ZNF208: variants seen among roughly 807,000 people sequenced by gnomAD.
The protein encoded by ZNF208 is zinc finger protein 95.
Under a neutral mutation model 12.1 loss-of-function variants are expected in ZNF208, and 10 were observed. The observed-to-expected ratio is 0.83, with a 90% CI of 0.51 to 1.40. The LOEUF is 1.40. Ranked by LOEUF, ZNF208 falls within the 40% of genes most tolerant of loss-of-function variation. The pLI is 0.00. For missense variants in ZNF208, 1,652 were observed against 1,485.0 expected, an observed-to-expected ratio of 1.11 and a Z score of -1.85; for synonymous variants, 497 against 488.4, an observed-to-expected ratio of 1.02 and a Z score of -0.23.
chr19:21,944,042 TA>T (rs1408938935), intron 4 of ZNF208, among the ~76,000 whole-genome samples: 1 of 152,220 alleles, frequency 6.6e-6, no homozygotes, highest in African/African-American at 2.4e-5. Context: ...TTTCTAAATT[TA>T]AAAAACTTGC....
chr19:21,990,668 A>G (rs1970717161), intron 1 of ZNF208, among the ~76,000 whole-genome samples: 1 of 152,200 alleles, frequency 6.6e-6, no homozygotes, highest in Non-Finnish European at 1.5e-5. Context: ...CATTGAATCT[A>G]TAAATTACCT....
chr19:21,959,747 A>C (rs1970034501), intron 4 of ZNF208, among the ~76,000 whole-genome samples: 1 of 152,228 alleles, frequency 6.6e-6, no homozygotes, highest in South Asian at 2.1e-4. Flanking sequence ...AAATAGAATA[A>C]AAATGATGCA....
In ZNF208 at chr19:21,973,462, G is replaced by T. The variant is rs1970352246; in HGVS notation, c.1572C>A (p.Pro524=). ...EHKRIHTGEK[P]YKCEECGKSF... ...TTTTGCCACATTCTTCACATTTGTAGGGTTTCTCTCCAGTATGAATTCTCT... is the reference window on the plus strand; with the variant it reads ...TTTTGCCACATTCTTCACATTTGTATGGTTTCTCTCCAGTATGAATTCTCT... The change falls in exon 4 of 4, where the codon CCC becomes CCA. Residue 524 remains proline, a synonymous_variant. Coordinates refer to ENST00000397126, the MANE Select transcript of ZNF208 (RefSeq NM_007153.3). 1 of 1,612,912 alleles carries T rather than the reference G, an allele frequency of 6.2e-7. No homozygotes were observed. The highest frequency in any genetic ancestry group is 1.3e-5 in the African/African-American group (1 of 74,882).
At chr19:21,958,540 A>G (rs1970014056) in intron 4 of ZNF208, among the ~76,000 whole-genome samples, 1 of 152,208 alleles carries the variant, frequency 6.6e-6, no homozygotes, top group African/African-American at 2.4e-5. Context: ...GCTACCAGTT[A>G]TCAGGGTGTG....
Position 21,973,463 on chromosome 19 carries a change from G to C in ZNF208, c.1571C>G (p.Pro524Arg). 6.2e-7 allele frequency: 1 copy of C among 1,612,898 alleles called. No individual in the cohort carries two copies. Among genetic ancestry groups the C allele is most frequent in the Non-Finnish European group, 8.5e-7 (1 of 1,179,800 alleles). ...EHKRIHTGEK[P>R]YKCEECGKSF... ...TTTGCCACATTCTTCACATTTGTAG[G>C]GTTTCTCTCCAGTATGAATTCTCTT... Residue 524 changes from proline (P) to arginine (R), a missense_variant, in exon 4 of 4, where the codon CCC becomes CGC. By Grantham distance (103) the Pro-to-Arg change is moderately radical. Coordinates refer to ENST00000397126, the MANE Select transcript of ZNF208 (RefSeq NM_007153.3).
rs187600160 is a variant in ZNF208 at position 21,950,179 on chromosome 19, G to A, written c.306-16942C>T. On this transcript the variant is annotated intron_variant, in intron 4 of 4. Coordinates refer to the ZNF208 transcript ENST00000599916. The stretch of plus-strand genomic sequence containing the variant: ...AATATCCAAGCTATAAGTATATTCA[G>A]AAAGCCTTTCTATTTTTATCTATAT... Among the ~76,000 whole-genome samples the A allele has an allele frequency of 1.7e-3, 258 of 152,288 alleles. 1 individual carries two copies. The highest frequency in any genetic ancestry group is 6.0e-3 in the African/African-American group (249 of 41,560).
chr19:21,971,905 G>A lies in ZNF208; in HGVS notation c.3129C>T (p.Ser1043=), dbSNP rs113409472. Residue 1043 remains serine, a synonymous_variant, in exon 4 of 4, where the codon AGC becomes AGT. Transcript: ENST00000397126. ...CATGAGTTGCCTTATGTTCAGTAAG[G>A]CTTGAGGGCCAGCTGAAGGCTTTGT... ...ECDKAFSWPS[S]LTEHKATHAG... The A allele has an allele frequency of 2.6e-6, 4 of 1,524,200 alleles. No individual in the cohort carries two copies. The Admixed American group carries it at 5.4e-5, about 21-fold the overall frequency. 94.4% of individuals were successfully genotyped at this position (1,524,200 alleles called of 1,614,324 possible).
At chr19:21,992,221 A>C (rs974528227) in intron 1 of ZNF208, among the ~76,000 whole-genome samples, 4 of 152,338 alleles carry the variant, frequency 2.6e-5, no homozygotes, top group Admixed American at 2.6e-4. Flanking sequence ...AAGCTTATCA[A>C]CCAAGTGATT....
At chr19:21,951,560 A>G (rs1285533204) in intron 4 of ZNF208, among the ~76,000 whole-genome samples, 1 of 152,260 alleles carries the variant, frequency 6.6e-6, no homozygotes, top group African/African-American at 2.4e-5. Context: ...GGAATATCAT[A>G]TGGTGTTCCT....
At position 21,973,567 on chromosome 19, in the gene ZNF208, T is replaced by C. The variant is rs759255955; in HGVS notation, c.1467A>G (p.Ala489=). The C allele has an allele frequency of 6.2e-7, 1 of 1,612,352 alleles. No individual in the cohort carries two copies. The highest frequency in any genetic ancestry group is 8.5e-7 in the Non-Finnish European group (1 of 1,179,602). ...TGTAGGGTTTCTCTCCAGCATGAGTTGCCTTATCACATTCTTCACATTTGT... is the reference window on the plus strand; with the variant it reads ...TGTAGGGTTTCTCTCCAGCATGAGTCGCCTTATCACATTCTTCACATTTGT... ...KPYKCEECDK[A]THAGEKPYKC... is the part of the protein sequence containing the mutation. Residue 489 remains alanine (A), a synonymous_variant, in exon 4 of 4, where the codon GCA becomes GCG. Coordinates refer to ENST00000397126, the MANE Select transcript of ZNF208 (RefSeq NM_007153.3).
At chr19:21,956,532 C>G (rs1335111836) in intron 4 of ZNF208, among the ~76,000 whole-genome samples, 1 of 152,202 alleles carries the variant, frequency 6.6e-6, no homozygotes, top group Non-Finnish European at 1.5e-5. Flanking sequence ...GAAGCCTCAG[C>G]AATGGCAGAA....
chr19:21,981,253 C>CA (rs985691264), intron 3 of ZNF208, among the ~76,000 whole-genome samples: 2 of 151,904 alleles, frequency 1.3e-5, no homozygotes, highest in Non-Finnish European at 1.5e-5. Context: ...AGAGACACAA[C>CA]AAAAAAAGAA....
rs1970264328 is a variant in ZNF208, at chr19:21,970,780, T to C, written c.*411A>G. ...CCAAATTCTTCACATTTTTAGAATTTCTCTCCAGCATGAATTTTCTTATGT... is the reference window on the plus strand; with the variant it reads ...CCAAATTCTTCACATTTTTAGAATTCCTCTCCAGCATGAATTTTCTTATGT... On this transcript the variant is annotated 3_prime_UTR_variant, in exon 4 of 4. Coordinates refer to ENST00000397126, the MANE Select transcript of ZNF208 (RefSeq NM_007153.3). 3 of 1,420,992 alleles carry C rather than the reference T, an allele frequency of 2.1e-6. No individual in the cohort carries two copies. Among genetic ancestry groups the C allele is most frequent in the African/African-American group, 1.4e-5 (1 of 70,464 alleles). The allele number at this position is 1,420,992 out of a possible 1,614,324, so 88.0% of individuals were successfully genotyped here. A position where few individuals can be genotyped will look rare whatever the true frequency, so the allele number is the denominator to read the frequency against.
chr19:22,008,698 C>A (rs1164087640), intron 1 of ZNF208, among the ~76,000 whole-genome samples: 1 of 152,062 alleles, frequency 6.6e-6, no homozygotes, highest in East Asian at 1.9e-4. Flanking sequence ...GTCTGAACAG[C>A]AATATGTCTC....
chr19:21,966,547 A>C lies in ZNF208; in HGVS notation c.*4644T>G, dbSNP rs886733050. On this transcript the variant is annotated 3_prime_UTR_variant, in exon 4 of 4. Coordinates refer to ENST00000397126, the MANE Select transcript of ZNF208 (RefSeq NM_007153.3). ...GTTAAATTCTGTTTTTGCTATTGTG[A>C]ATAGTGCTGCAATGAACATGTGAGT... 2.0e-5 allele frequency: 3 copies of C among 152,142 alleles called. No individual in the cohort carries two copies. Among genetic ancestry groups the C allele is most frequent in the African/African-American group, 7.2e-5 (3 of 41,446 alleles). 9.4% of individuals were successfully genotyped at this position (152,142 alleles called of 1,614,324 possible).
intron 4 of ZNF208, among the ~76,000 whole-genome samples, chr19:21,942,414 C>G (rs556022943): frequency 3.0e-4 from 45 of 152,242 alleles, no homozygotes; most frequent in Admixed American, 8.5e-4. Context: ...ATTTTATAAA[C>G]AGTGTATTCA....
intron 1 of ZNF208, chr19:21,997,767 A>G (rs1421267087): frequency 1.3e-5 from 2 of 154,442 alleles, no homozygotes; most frequent in Non-Finnish European, 2.9e-5. Flanking sequence ...TATAATGGTG[A>G]CATGAAAAAA....
At chr19:21,994,503 G>A (rs1970795404) in intron 1 of ZNF208, among the ~76,000 whole-genome samples, 1 of 151,872 alleles carries the variant, frequency 6.6e-6, no homozygotes. Flanking sequence ...AGAGTGTAGA[G>A]CCGATGTACA....
chr19:21,975,306 G>C (rs1191192854), intron 3 of ZNF208, among the ~76,000 whole-genome samples: 1 of 152,194 alleles, frequency 6.6e-6, no homozygotes, highest in Non-Finnish European at 1.5e-5. Flanking sequence ...ACTTAGAAAT[G>C]ACAGTTTGAG....
Sources: gnomAD v4.1 joint callset for allele counts (sites outside exome capture counted in the v4.1 genomes callset) on GRCh38, gnomAD v4.1.1 for gene constraint, MANE v1.5 for transcripts, NCBI Gene and HGNC (gene_info 2026-07-23, HGNC 2026-07-21) for gene names.